The following CFAP61 variants were observed in gnomAD, a reference collection of about 807,000 sequenced individuals.
The protein encoded by CFAP61 is cilia- and flagella-associated protein 61.
CFAP61 carries 107 observed loss-of-function variants against 135.6 expected under a neutral mutation model. The observed-to-expected ratio is 0.79, with a 90% CI of 0.67 to 0.93. The LOEUF (loss-of-function observed/expected upper bound fraction) is 0.93. Ranked by LOEUF, CFAP61 falls within the 40% of genes least tolerant of loss-of-function variation. The pLI, the probability that CFAP61 is intolerant of heterozygous loss-of-function variation, is 0.00. For synonymous variants in CFAP61, 575 were observed against 578.5 expected (o/e 0.99, Z 0.09); for missense variants, 1,507 against 1,556.2 (o/e 0.97, Z 0.53).
At chr20:20,082,715 C>T (rs1490460593) in intron 6 of CFAP61, among the ~76,000 whole-genome samples, 1 of 152,158 alleles carries the variant, frequency 6.6e-6, no homozygotes, top group Non-Finnish European at 1.5e-5. Flanking sequence ...ATTAAATTGG[C>T]TCAACCTTGT....
At chr20:20,127,847 C>G (rs1455022528) in intron 8 of CFAP61, among the ~76,000 whole-genome samples, 2 of 151,538 alleles carry the variant, frequency 1.3e-5, no homozygotes, top group Admixed American at 1.3e-4. Context: ...TCAGACTGTC[C>G]TTGGGTGGGT....
intron 19 of CFAP61, among the ~76,000 whole-genome samples, chr20:20,247,493 C>T (rs183762955): frequency 2.7e-4 from 41 of 152,322 alleles, no homozygotes; most frequent in African/African-American, 9.1e-4. Flanking sequence ...GATCACATCG[C>T]CTCCTCACCG....
chr20:20,117,668 T>A (rs1232483727), intron 8 of CFAP61, among the ~76,000 whole-genome samples: 4 of 152,204 alleles, frequency 2.6e-5, no homozygotes, highest in Non-Finnish European at 5.9e-5. Context: ...ATCTATAAAT[T>A]GCTTTGGGTA....
At chr20:20,253,316 G>C (rs180886340) in intron 20 of CFAP61, 1 of 163,928 alleles carries the variant, frequency 6.1e-6, no homozygotes, top group South Asian at 1.4e-4. Flanking sequence ...TTCCTGTGCC[G>C]TAAGTTTCCA....
intron 1 of CFAP61, among the ~76,000 whole-genome samples, chr20:20,054,769 T>C (rs905943659): frequency 5.8e-4 from 88 of 152,396 alleles, no homozygotes; most frequent in African/African-American, 2.1e-3. Context: ...TTATTTTTTA[T>C]AGACAGTCTG....
intron 20 of CFAP61, among the ~76,000 whole-genome samples, chr20:20,259,420 TA>T (rs1262394398): frequency 7.0e-6 from 1 of 142,548 alleles, no homozygotes; most frequent in Non-Finnish European, 1.5e-5. Context: ...CAAACCCAGC[TA>T]ATTTTTTTTT....
chr20:20,081,543 AGG>A (rs1235811919), intron 6 of CFAP61, among the ~76,000 whole-genome samples: 1 of 152,192 alleles, frequency 6.6e-6, no homozygotes, highest in East Asian at 1.9e-4. Context: ...CTCAGGATGC[AGG>A]GTGCAGGAGA....
intron 2 of CFAP61, chr20:20,069,943 A>G: frequency 3.8e-6 from 1 of 260,810 alleles, no homozygotes; most frequent in Non-Finnish European, 7.8e-6. Flanking sequence ...ATGTTTAACT[A>G]TTTCTTCCTC....
chr20:20,149,494 G>T (rs1000009642), intron 9 of CFAP61, among the ~76,000 whole-genome samples: 2 of 152,202 alleles, frequency 1.3e-5, no homozygotes, highest in Non-Finnish European at 2.9e-5. Flanking sequence ...GCAGCAGACT[G>T]CTGCAATTGC....
intron 18 of CFAP61, among the ~76,000 whole-genome samples, chr20:20,241,419 C>CA (rs2066671097): frequency 6.6e-6 from 1 of 152,020 alleles, no homozygotes; most frequent in African/African-American, 2.4e-5. Context: ...TATTAAAATT[C>CA]AAAAAATGCC....
intron 17 of CFAP61, among the ~76,000 whole-genome samples, chr20:20,212,438 C>A (rs1323948298): frequency 6.6e-6 from 1 of 152,196 alleles, no homozygotes; most frequent in Non-Finnish European, 1.5e-5. Context: ...GTCGTCACTT[C>A]CTGGTGCGGT....
At chr20:20,313,548 G>T (rs970517863) in intron 25 of CFAP61, among the ~76,000 whole-genome samples, 1 of 152,198 alleles carries the variant, frequency 6.6e-6, no homozygotes, top group Non-Finnish European at 1.5e-5. Context: ...GCAGTGATGG[G>T]AATGGCATCC....
At chr20:20,109,768 G>T (rs1482998271) in intron 8 of CFAP61, among the ~76,000 whole-genome samples, 2 of 152,164 alleles carry the variant, frequency 1.3e-5, no homozygotes, top group East Asian at 3.8e-4. Context: ...TCTTTTCAAA[G>T]AGCTAGCTCT....
chr20:20,065,972 G>C (rs6132267), intron 2 of CFAP61, among the ~76,000 whole-genome samples: 9,674 of 145,426 alleles, frequency 0.067, 359 homozygotes, highest in East Asian at 0.12. Flanking sequence ...TTTGTACAAA[G>C]AACTTAAACA....
chr20:20,217,267 T>C (rs547467022), intron 17 of CFAP61, among the ~76,000 whole-genome samples: 1 of 152,312 alleles, frequency 6.6e-6, no homozygotes, highest in South Asian at 2.1e-4. Flanking sequence ...ATTGTTTGCA[T>C]TGAGATGAAA....
intron 13 of CFAP61, 21 bp downstream of exon 13, chr20:20,169,481 C>G: frequency 6.3e-7 from 1 of 1,575,028 alleles, no homozygotes; most frequent in African/African-American, 1.3e-5. Context: ...ACATGTTTGG[C>G]CACACAACAA....
intron 17 of CFAP61, chr20:20,221,982 C>T (rs1300700991): frequency 6.6e-6 from 1 of 152,208 alleles, no homozygotes; most frequent in Admixed American, 6.5e-5. Flanking sequence ...TGACAATGAA[C>T]AGCCATGGCC....
intron 25 of CFAP61, among the ~76,000 whole-genome samples, chr20:20,309,487 C>T (rs1027844597): frequency 2.6e-5 from 4 of 152,186 alleles, no homozygotes; most frequent in Non-Finnish European, 4.4e-5. Context: ...ACACCTGTCT[C>T]GTACAGGTGA....
intron 25 of CFAP61, among the ~76,000 whole-genome samples, chr20:20,312,157 C>G (rs1179382718): frequency 6.6e-6 from 1 of 152,024 alleles, no homozygotes; most frequent in African/African-American, 2.4e-5. Flanking sequence ...GGCAAAGAAA[C>G]AAGAAAATAC....
Sources: allele counts gnomAD v4.1 joint callset (sites outside exome capture counted in the v4.1 genomes callset), GRCh38; gene constraint gnomAD v4.1.1; transcripts MANE v1.5; gene names NCBI Gene and HGNC (gene_info 2026-07-23, HGNC 2026-07-21).